The following ANKUB1 variants were observed in gnomAD, a reference collection of about 807,000 sequenced individuals.
ANKUB1 encodes protein ANKUB1.
A neutral mutation model predicts 49.3 loss-of-function variants in ANKUB1; 42 were observed. The ratio of observed to expected loss-of-function variants is 0.85; its 90% confidence interval spans 0.67 to 1.10. The LOEUF (loss-of-function observed/expected upper bound fraction) is 1.10, where lower values mean the gene tolerates loss of function less well. Ranked by LOEUF, ANKUB1 falls within the 50% of genes least tolerant of loss-of-function variation. The probability of loss-of-function intolerance (pLI) is 0.00; values close to 1 mark genes in which losing one functional copy is unlikely to be tolerated. For synonymous variants in ANKUB1, 222 were observed against 231.0 expected (o/e 0.96, Z 0.35); for missense variants, 613 against 642.0 (o/e 0.95, Z 0.49).
chr3:149,776,911 C>T (rs1345382103), intron 3 of ANKUB1, among the ~76,000 whole-genome samples: 10 of 151,470 alleles, frequency 6.6e-5, no homozygotes, highest in East Asian at 2.0e-4. Flanking sequence ...CAGGAGGCAG[C>T]GGTTGCAGTA....
At chr3:149,777,242 G>A (rs1285518112) in intron 3 of ANKUB1, among the ~76,000 whole-genome samples, 2 of 152,166 alleles carry the variant, frequency 1.3e-5, no homozygotes, top group African/African-American at 4.8e-5. Flanking sequence ...GGGAGGCCAA[G>A]GCGGGCAGAT....
chr3:149,790,689 T>C, intron 2 of ANKUB1, 92 bp downstream of exon 2: 1 of 1,290,022 alleles, frequency 7.8e-7, no homozygotes, highest in South Asian at 1.5e-5. Flanking sequence ...ACAATTTCTT[T>C]TTAAGTTATG....
At chr3:149,791,441 A>G (rs1311679208) in intron 1 of ANKUB1, among the ~76,000 whole-genome samples, 1 of 152,176 alleles carries the variant, frequency 6.6e-6, no homozygotes. Flanking sequence ...TTTCATTTCT[A>G]TCATATCTGT....
At chr3:149,786,259 G>A (rs1718095430) in intron 2 of ANKUB1, among the ~76,000 whole-genome samples, 1 of 152,092 alleles carries the variant, frequency 6.6e-6, no homozygotes, top group Admixed American at 6.5e-5. Flanking sequence ...ATGGTCTCGA[G>A]CTCCTGACCT....
At chr3:149,767,105 G>T in intron 5 of ANKUB1, 52 bp downstream of exon 5, 3 of 1,427,512 alleles carry the variant, frequency 2.1e-6, no homozygotes, top group South Asian at 2.9e-5. Context: ...CCTTATCCTG[G>T]ACCTGCCTTA....
chr3:149,761,563 A>G lies in ANKUB1; in HGVS notation c.1556T>C (p.Leu519Pro). The G allele has an allele frequency of 1.3e-6, 2 of 1,551,460 alleles. No individual in the cohort carries two copies. Among genetic ancestry groups the G allele is most frequent in the Non-Finnish European group, 1.7e-6 (2 of 1,146,822 alleles). The part of the protein sequence containing the change: ...WLQQLEIARV[L>P]AKKSISNLTT... Reference sequence around the variant, plus strand: ...CAAGTTAGAAATGCTCTTTTTGGCCAGGACTCTTGCTATTTCTAACTGCTG... The same window carrying G: ...CAAGTTAGAAATGCTCTTTTTGGCCGGGACTCTTGCTATTTCTAACTGCTG... The change falls in exon 6 of 6, where the codon CTG becomes CCG. Residue 519 changes from leucine to proline, a missense_variant. Leu to Pro is a moderately conservative substitution (Grantham distance 98). Transcript: ENST00000446160.
chr3:149,766,884 G>A, intron 5 of ANKUB1: 2 of 784,544 alleles, frequency 2.5e-6, no homozygotes, highest in South Asian at 1.7e-5. Context: ...CAGCAGCAAG[G>A]GACCTTGAGA....
chr3:149,790,987 C>T (rs1312754298), intron 1 of ANKUB1, 63 bp from the exon 2 acceptor site: 3 of 1,428,938 alleles, frequency 2.1e-6, no homozygotes, highest in Non-Finnish European at 2.8e-6. Flanking sequence ...CAGAAATGTA[C>T]TCTCTTTCCC....
Position 149,790,923 on chromosome 3 carries a change from T to C in ANKUB1, c.92A>G (p.Asp31Gly). Reference sequence around the variant, plus strand: ...TTCAGAGAGAGGAATGTGGAAATAATCCTTAAAAATCAATAGCATATTATG... The same window carrying C: ...TTCAGAGAGAGGAATGTGGAAATAACCCTTAAAAATCAATAGCATATTATG... ...TVEVVKLMIK[D>G]YFHIPLSEDK... Residue 31 changes from aspartate to glycine, a missense_variant and splice_region_variant, in exon 2 of 6, where the codon GAT becomes GGT. Asp to Gly is a moderately conservative substitution (Grantham distance 94, BLOSUM62 -1). Transcript: ENST00000446160. 1 of 1,551,034 alleles carries C rather than the reference T, an allele frequency of 6.4e-7. No homozygotes were observed. The highest frequency in any genetic ancestry group is 8.7e-7 in the Non-Finnish European group (1 of 1,146,702).
chr3:149,764,013 G>A (rs909208919), intron 5 of ANKUB1: 1 of 456,194 alleles, frequency 2.2e-6, no homozygotes, highest in Non-Finnish European at 4.4e-6. Flanking sequence ...ACATCTGATG[G>A]TCACTTTACC....
At position 149,761,469 on chromosome 3, in the gene ANKUB1, A is replaced by G. The variant is rs954715; in HGVS notation, c.*15T>C. ...TTGATCAGGTCTTTGTCCAAACTGAAGTTGTCATGACTTTTCAAAGCACAG... is the reference window on the plus strand; with the variant it reads ...TTGATCAGGTCTTTGTCCAAACTGAGGTTGTCATGACTTTTCAAAGCACAG... On this transcript the variant is annotated 3_prime_UTR_variant, in exon 6 of 6. Coordinates refer to ENST00000446160, the MANE Select transcript of ANKUB1 (RefSeq NM_001144960.3). The G allele has an allele frequency of 0.025, 38,786 of 1,550,790 alleles. 1,081 individuals carry two copies. Among genetic ancestry groups the G allele is most frequent in the African/African-American group, 0.13 (9,295 of 73,060 alleles).
In ANKUB1 at chr3:149,790,870, A is replaced by C. The variant is rs1718328086; in HGVS notation, c.145T>G (p.Leu49Val). The C allele has an allele frequency of 1.3e-6, 2 of 1,552,058 alleles. No homozygotes were observed. Among genetic ancestry groups the C allele is most frequent in the Non-Finnish European group, 1.7e-6 (2 of 1,147,036 alleles). ...TTTAGAGCAGCTCCAGCATACATTA[A>C]CTCCAGATACCGCCTGCCTTGTTTG... ...EDKQGRRYLE[L>V]MYAGAALKDS... The change falls in exon 2 of 6, where the codon TTA becomes GTA. Residue 49 changes from leucine to valine, a missense_variant. Coordinates refer to ENST00000446160, the MANE Select transcript of ANKUB1 (RefSeq NM_001144960.3).
intron 5 of ANKUB1, among the ~76,000 whole-genome samples, chr3:149,762,261 C>T (rs111316045): frequency 6.1e-4 from 93 of 152,266 alleles, no homozygotes; most frequent in African/African-American, 2.2e-3. Context: ...TTATCCATGA[C>T]TCCTTGACCT....
Position 149,761,439 on chromosome 3 carries a change from T to A in ANKUB1, c.*45A>T. The A allele has an allele frequency of 6.5e-7, 1 of 1,546,244 alleles. No individual in the cohort carries two copies. Among genetic ancestry groups the A allele is most frequent in the Non-Finnish European group, 8.7e-7 (1 of 1,142,948 alleles). On this transcript the variant is annotated 3_prime_UTR_variant, in exon 6 of 6. Coordinates refer to ENST00000446160, the MANE Select transcript of ANKUB1 (RefSeq NM_001144960.3). ...AAATGTTAACATTAGAACTGGACAT[T>A]CTGTTTGATCAGGTCTTTGTCCAAA...
chr3:149,782,060 C>G (rs76045380), intron 2 of ANKUB1, among the ~76,000 whole-genome samples: 3,800 of 151,828 alleles, frequency 0.025, 63 homozygotes, highest in Non-Finnish European at 0.035. Context: ...GGCAGAAATT[C>G]CTATGAAAAC....
At position 149,792,386 on chromosome 3, in the gene ANKUB1, A is replaced by G; in HGVS notation, c.-20T>C. On this transcript the variant is annotated 5_prime_UTR_variant, in exon 1 of 6. Coordinates refer to ENST00000446160, the MANE Select transcript of ANKUB1 (RefSeq NM_001144960.3). ...CCTCATTGTACAATTACCTTTTCAA[A>G]CAAAAAATATCCAACTTTTTCAAAG... The G allele has an allele frequency of 6.9e-7, 1 of 1,453,910 alleles. No homozygotes were observed. Among genetic ancestry groups the G allele is most frequent in the Non-Finnish European group, 9.1e-7 (1 of 1,093,838 alleles). 90.1% of individuals were successfully genotyped at this position (1,453,910 alleles called of 1,614,324 possible).
At chr3:149,771,817 TCTCCAGCCCAGCCTCTG>T (rs1366088114) in intron 3 of ANKUB1, among the ~76,000 whole-genome samples, 1 of 152,038 alleles carries the variant, frequency 6.6e-6, no homozygotes, top group East Asian at 1.9e-4. Flanking sequence ...CAAGTCCCAA[TCTCCAGCCCAGCCTCTG>T]CTCCAGCTCC....
intron 2 of ANKUB1, among the ~76,000 whole-genome samples, chr3:149,789,844 G>A (rs770984062): frequency 1.3e-5 from 2 of 151,962 alleles, no homozygotes; most frequent in Non-Finnish European, 2.9e-5. Flanking sequence ...TGGCCAGGAT[G>A]GTCTCTATCT....
intron 2 of ANKUB1, among the ~76,000 whole-genome samples, chr3:149,780,699 G>C (rs1717823769): frequency 6.6e-6 from 1 of 152,212 alleles, no homozygotes; most frequent in Admixed American, 6.5e-5. Context: ...TGACTTCTTA[G>C]TCTACAGACC....
Sources: gnomAD v4.1 joint callset for allele counts (sites outside exome capture counted in the v4.1 genomes callset) on GRCh38, gnomAD v4.1.1 for gene constraint, MANE v1.5 for transcripts, NCBI Gene and HGNC (gene_info 2026-07-23, HGNC 2026-07-21) for gene names.